Variants in EBF2 observed in about 807,000 individuals in gnomAD.
The protein encoded by EBF2 is EBF transcription factor 2.
EBF2 carries 21 observed loss-of-function variants against 72.8 expected under a neutral mutation model. The ratio of observed to expected loss-of-function variants is 0.29; its 90% CI spans 0.20 to 0.42. The LOEUF (loss-of-function observed/expected upper bound fraction) is 0.42, where lower values mean the gene tolerates loss of function less well. Ranked by LOEUF, EBF2 falls within the 10% of genes least tolerant of loss-of-function variation. The pLI is 1.00. For missense variants in EBF2, 637 were observed against 731.2 expected (o/e 0.87, Z 1.49); for synonymous variants, 299 against 274.2 (o/e 1.09, Z -0.89).
At chr8:25,858,651 CTTTTTTTTTTTT>C (rs34189731) in intron 13 of EBF2, 147 bp from the exon 14 acceptor site, 10 of 136,556 alleles carry the variant, frequency 7.3e-5, no homozygotes, top group African/African-American at 1.9e-4. Context: ...CCATCTTTAG[CTTTTTTTTTTTT>C]TTTTTTTTTT....
chr8:25,968,772 G>T (rs946879905), intron 6 of EBF2, among the ~76,000 whole-genome samples: 4 of 152,178 alleles, frequency 2.6e-5, no homozygotes, highest in African/African-American at 9.7e-5. Context: ...TGGCCAGGCT[G>T]GTCTTGAAGT....
chr8:25,989,868 G>A (rs1804517930), intron 6 of EBF2, among the ~76,000 whole-genome samples: 1 of 152,176 alleles, frequency 6.6e-6, no homozygotes, highest in Non-Finnish European at 1.5e-5. Context: ...AGCCTCACCA[G>A]GAAGCCTTAC....
intron 5 of EBF2, among the ~76,000 whole-genome samples, chr8:26,038,579 C>T (rs1805544337): frequency 1.3e-5 from 2 of 152,174 alleles, no homozygotes; most frequent in African/African-American, 2.4e-5. Flanking sequence ...AGAAAAACCT[C>T]CCTTCAACTA....
chr8:26,004,673 C>CAAAAAAAAAAA (rs56848916), intron 6 of EBF2, among the ~76,000 whole-genome samples: 1 of 45,460 alleles, frequency 2.2e-5, no homozygotes. Flanking sequence ...AGACTGTCTC[C>CAAAAAAAAAAA]AAAAAAAAAA....
Position 25,843,641 on chromosome 8 carries a change from C to G in EBF2, c.*968G>C, listed in dbSNP as rs529204796. 1 of 152,142 alleles carries G rather than the reference C, an allele frequency of 6.6e-6. No homozygotes were observed. Among genetic ancestry groups the G allele is most frequent in the African/African-American group, 2.4e-5 (1 of 41,436 alleles). 9.4% of individuals were successfully genotyped at this position (152,142 alleles called of 1,614,324 possible). A position where few individuals can be genotyped will look rare whatever the true frequency, so the allele number is the denominator to read the frequency against. ...ATTCTCTGGACTGCTCAGGGGAGAA[C>G]GTTGAAAGCTAATAATAGGAATTTT... On this transcript the variant is annotated 3_prime_UTR_variant, in exon 16 of 16. Coordinates refer to ENST00000520164, the MANE Select transcript of EBF2 (RefSeq NM_022659.4).
At chr8:25,850,523 A>C in intron 15 of EBF2, 71 bp downstream of exon 15, 1 of 1,439,220 alleles carries the variant, frequency 6.9e-7, no homozygotes, top group Non-Finnish European at 9.2e-7. Context: ...CTATACAATG[A>C]TGTGCTGTTT....
chr8:25,851,419 A>T (rs1483873732), intron 14 of EBF2, among the ~76,000 whole-genome samples: 1 of 152,190 alleles, frequency 6.6e-6, no homozygotes, highest in Non-Finnish European at 1.5e-5. Context: ...AATATTAGTG[A>T]TATTAACATT....
intron 6 of EBF2, among the ~76,000 whole-genome samples, chr8:25,989,566 A>C (rs1370095865): frequency 6.6e-6 from 1 of 152,226 alleles, no homozygotes; most frequent in Admixed American, 6.5e-5. Context: ...ATTTGTCCTC[A>C]TATGCCGGAG....
chr8:25,864,576 A>G (rs749369169), intron 10 of EBF2, among the ~76,000 whole-genome samples: 10 of 151,988 alleles, frequency 6.6e-5, no homozygotes, highest in Non-Finnish European at 1.3e-4. Context: ...TTATTATTTA[A>G]CTTATCTGGA....
intron 7 of EBF2, among the ~76,000 whole-genome samples, chr8:25,891,939 A>C (rs183868479): frequency 6.6e-6 from 1 of 152,274 alleles, no homozygotes; most frequent in Non-Finnish European, 1.5e-5. Flanking sequence ...ATTATGAATA[A>C]TTTCAAGCAA....
At chr8:25,887,369 T>G (rs2117290278) in intron 9 of EBF2, among the ~76,000 whole-genome samples, 1 of 152,332 alleles carries the variant, frequency 6.6e-6, no homozygotes, top group South Asian at 2.1e-4. Flanking sequence ...TTTGTCATGT[T>G]TTATATGATG....
rs905465446 is a variant in EBF2, at chr8:25,920,574, C to T, written c.552-12019G>A. 6.6e-5 allele frequency among the ~76,000 whole-genome samples: 10 copies of T among 152,294 alleles called. No individual in the cohort carries two copies. The South Asian group carries it at 1.7e-3, about 25-fold the overall frequency. Reference sequence around the variant, plus strand: ...CTAGTGAGAGCAGGTGGAGAGAAAGCGATTGTGACCCACGCAGAGTTAGTT... The same window carrying T: ...CTAGTGAGAGCAGGTGGAGAGAAAGTGATTGTGACCCACGCAGAGTTAGTT... On this transcript the variant is annotated intron_variant, in intron 6 of 15. Coordinates refer to ENST00000520164, the MANE Select transcript of EBF2 (RefSeq NM_022659.4).
At chr8:26,019,431 T>C (rs866437421) in intron 6 of EBF2, among the ~76,000 whole-genome samples, 4 of 152,202 alleles carry the variant, frequency 2.6e-5, no homozygotes, top group African/African-American at 4.8e-5. Flanking sequence ...ATCCAAGCAA[T>C]TGGACTTCTG....
chr8:25,966,621 C>A (rs1357754303), intron 6 of EBF2, among the ~76,000 whole-genome samples: 1 of 152,224 alleles, frequency 6.6e-6, no homozygotes, highest in Non-Finnish European at 1.5e-5. Flanking sequence ...AGCCCGAGTT[C>A]TTTCTCAAAA....
At chr8:26,005,962 G>T (rs1804874997) in intron 6 of EBF2, among the ~76,000 whole-genome samples, 1 of 152,038 alleles carries the variant, frequency 6.6e-6, no homozygotes, top group African/African-American at 2.4e-5. Context: ...CCTCCATGCA[G>T]CATGTCTCCA....
chr8:25,907,432 A>G (rs1015933130), intron 7 of EBF2, among the ~76,000 whole-genome samples: 1 of 145,788 alleles, frequency 6.9e-6, no homozygotes, highest in Non-Finnish European at 1.5e-5. Context: ...AAAAAAAAAA[A>G]AAAAAAAAAA....
chr8:25,980,888 C>T (rs1804351151), intron 6 of EBF2, among the ~76,000 whole-genome samples: 1 of 63,022 alleles, frequency 1.6e-5, no homozygotes, highest in Non-Finnish European at 2.8e-5. Context: ...GCAACCCCAG[C>T]ACTGTGGTGG....
intron 10 of EBF2, among the ~76,000 whole-genome samples, chr8:25,884,357 G>A (rs1434722965): frequency 2.0e-5 from 3 of 152,142 alleles, no homozygotes; most frequent in Non-Finnish European, 4.4e-5. Context: ...CGATGGAGGA[G>A]GGAATGTGGA....
intron 9 of EBF2, among the ~76,000 whole-genome samples, chr8:25,887,321 G>A (rs1192933916): frequency 6.6e-6 from 1 of 152,018 alleles, no homozygotes; most frequent in Non-Finnish European, 1.5e-5. Context: ...TATTGATCTG[G>A]CAAGTGCCAA....
Sources: allele counts gnomAD v4.1 joint callset (sites outside exome capture counted in the v4.1 genomes callset), GRCh38; gene constraint gnomAD v4.1.1; transcripts MANE v1.5; gene names NCBI Gene and HGNC (gene_info 2026-07-23, HGNC 2026-07-21).